TTC1: variants seen among roughly 807,000 people sequenced by gnomAD.
The protein encoded by TTC1 is tetratricopeptide repeat domain 1.
In TTC1, 31 loss-of-function variants were observed where a neutral mutation model predicts 37.6. The observed-to-expected ratio is 0.82, with a 90% confidence interval of 0.62 to 1.11. The LOEUF (loss-of-function observed/expected upper bound fraction) is 1.11. Ranked by LOEUF, TTC1 falls within the 50% of genes most tolerant of loss-of-function variation. The probability of loss-of-function intolerance (pLI) is 0.00; values close to 1 mark genes in which losing one functional copy is unlikely to be tolerated. For synonymous variants in TTC1, 127 were observed against 122.4 expected, an observed-to-expected ratio of 1.04 and a Z score of -0.25; for missense variants, 351 against 339.0, an observed-to-expected ratio of 1.04 and a Z score of -0.28.
intron 1 of TTC1, among the ~76,000 whole-genome samples, chr5:160,010,294 A>G (rs573536171): frequency 6.0e-4 from 91 of 151,164 alleles, no homozygotes; most frequent in African/African-American, 2.1e-3. Flanking sequence ...CTGGTACCAG[A>G]TTTGACCAGA....
chr5:160,036,538 A>G, intron 3 of TTC1, 153 bp from the exon 4 acceptor site: 1 of 584,572 alleles, frequency 1.7e-6, no homozygotes, highest in Non-Finnish European at 3.0e-6. Flanking sequence ...AGAAGAAATG[A>G]TTTTTACTGC....
At chr5:160,054,760 T>C (rs1443232914) in intron 7 of TTC1, among the ~76,000 whole-genome samples, 1 of 152,076 alleles carries the variant, frequency 6.6e-6, no homozygotes, top group African/African-American at 2.4e-5. Context: ...TGAAGTCAGG[T>C]TTCATATGGC....
intron 2 of TTC1, among the ~76,000 whole-genome samples, chr5:160,019,587 T>TA (rs1756667733): frequency 1.5e-5 from 2 of 134,972 alleles, no homozygotes; most frequent in Admixed American, 7.7e-5. Context: ...ATTCTTTTTT[T>TA]TTTTTTTTTT....
intron 2 of TTC1, among the ~76,000 whole-genome samples, chr5:160,027,417 G>A (rs1172235912): frequency 2.0e-5 from 3 of 152,100 alleles, no homozygotes; most frequent in Admixed American, 6.5e-5. Context: ...CCTCCACTTC[G>A]AACTATCGTT....
At chr5:160,016,067 A>G (rs982838837) in intron 2 of TTC1, among the ~76,000 whole-genome samples, 9 of 152,226 alleles carry the variant, frequency 5.9e-5, no homozygotes, top group African/African-American at 2.2e-4. Context: ...TTTATGTAGT[A>G]TACAATGCAG....
At position 160,046,700 on chromosome 5, in the gene TTC1, C is replaced by T. The variant is rs776827441; in HGVS notation, c.542-2814C>T. 4.6e-5 allele frequency among the ~76,000 whole-genome samples: 7 copies of T among 152,184 alleles called. No homozygotes were observed. In the East Asian group the frequency reaches 7.7e-4, roughly 17 times the overall value. On this transcript the variant is annotated intron_variant, in intron 5 of 7. Transcript: ENST00000231238. ...TAAATTAAGACAGAAGGAAAATGCA[C>T]GGATTTTTTAACCTAAGAAATTAGA...
At chr5:160,023,299 T>C (rs1032484016) in intron 2 of TTC1, among the ~76,000 whole-genome samples, 7 of 151,096 alleles carry the variant, frequency 4.6e-5, no homozygotes, top group Non-Finnish European at 8.9e-5. Flanking sequence ...TCTTTCTTTT[T>C]TTTTTTTTTG....
chr5:160,062,943 C>A (rs879217596), intron 7 of TTC1, among the ~76,000 whole-genome samples: 5 of 152,198 alleles, frequency 3.3e-5, no homozygotes, highest in African/African-American at 4.8e-5. Flanking sequence ...CCTCCCTCTA[C>A]GCCCATGTGC....
At chr5:160,047,594 G>A (rs1337315501) in intron 5 of TTC1, among the ~76,000 whole-genome samples, 1 of 152,150 alleles carries the variant, frequency 6.6e-6, no homozygotes, top group Non-Finnish European at 1.5e-5. Context: ...GTAAATCAGA[G>A]TATGTCTGAA....
At chr5:160,040,748 A>G (rs1486421291) in intron 4 of TTC1, among the ~76,000 whole-genome samples, 1 of 151,268 alleles carries the variant, frequency 6.6e-6, no homozygotes, top group Non-Finnish European at 1.5e-5. Context: ...TACCACTCCC[A>G]GCTAATTTTG....
chr5:160,045,754 A>AT (rs1202517627), intron 5 of TTC1, among the ~76,000 whole-genome samples: 3 of 151,034 alleles, frequency 2.0e-5, no homozygotes, highest in African/African-American at 7.3e-5. Context: ...TTTTTATTTT[A>AT]TTTTTTGGGA....
intron 4 of TTC1, among the ~76,000 whole-genome samples, chr5:160,039,910 T>G (rs966130901): frequency 6.6e-6 from 1 of 152,220 alleles, no homozygotes; most frequent in African/African-American, 2.4e-5. Flanking sequence ...TTTATTGTGG[T>G]AAAATACAGA....
chr5:160,047,879 C>T, intron 5 of TTC1, among the ~76,000 whole-genome samples: 1 of 152,090 alleles, frequency 6.6e-6, no homozygotes, highest in East Asian at 1.9e-4. Context: ...ATTTCCATGA[C>T]CTTGTTTTAT....
chr5:160,015,301 CT>C (rs1230719728), intron 2 of TTC1, among the ~76,000 whole-genome samples: 2 of 152,132 alleles, frequency 1.3e-5, no homozygotes, highest in African/African-American at 4.8e-5. Context: ...CTTCAACCTC[CT>C]GGGCTCAAGC....
At chr5:160,058,818 T>C (rs1484264760) in intron 7 of TTC1, among the ~76,000 whole-genome samples, 1 of 152,194 alleles carries the variant, frequency 6.6e-6, no homozygotes, top group Non-Finnish European at 1.5e-5. Flanking sequence ...AACTTTAATC[T>C]CCTTGTTCAT....
chr5:160,061,921 A>C (rs1065118), intron 7 of TTC1: 85,571 of 151,596 alleles, frequency 0.56, 24,208 homozygotes, highest in African/African-American at 0.61. Context: ...GGAGCGGGGA[A>C]GTTTTCCACT....
chr5:160,022,895 A>G (rs765864726), intron 2 of TTC1, among the ~76,000 whole-genome samples: 31 of 152,196 alleles, frequency 2.0e-4, no homozygotes, highest in Non-Finnish European at 3.7e-4. Flanking sequence ...CACATATGCT[A>G]CAGATTCGGG....
chr5:160,047,497 A>G, intron 5 of TTC1, among the ~76,000 whole-genome samples: 1 of 152,190 alleles, frequency 6.6e-6, no homozygotes, highest in South Asian at 2.1e-4. Flanking sequence ...TCTCATCTGG[A>G]CCACTGCATT....
intron 7 of TTC1, among the ~76,000 whole-genome samples, 197 bp from the exon 8 acceptor site, chr5:160,064,735 A>AAAGT (rs1753549042): frequency 6.6e-6 from 1 of 152,204 alleles, no homozygotes; most frequent in South Asian, 2.1e-4. Flanking sequence ...GGATGGCATT[A>AAAGT]AAGTGACTGC....
Sources: allele counts gnomAD v4.1 joint callset (sites outside exome capture counted in the v4.1 genomes callset), GRCh38; gene constraint gnomAD v4.1.1; transcripts MANE v1.5; gene names NCBI Gene and HGNC (gene_info 2026-07-23, HGNC 2026-07-21).